Variants in AGAP1 observed in about 807,000 individuals in gnomAD.
The protein encoded by AGAP1 is arf-GAP with GTPase, ANK repeat and PH domain-containing protein 1.
A neutral mutation model predicts 105.3 loss-of-function variants in AGAP1; 29 were observed. The ratio of observed to expected loss-of-function variants is 0.28; its 90% confidence interval spans 0.21 to 0.38. The LOEUF (loss-of-function observed/expected upper bound fraction) is 0.38. AGAP1 is among the 10% of genes least tolerant of loss of function. The pLI, the probability that AGAP1 is intolerant of heterozygous loss-of-function variation, is 1.00. For synonymous variants in AGAP1, 509 were observed against 485.9 expected (o/e 1.05, Z -0.63); for missense variants, 998 against 1,165.1 (o/e 0.86, Z 2.09).
At chr2:235,943,835 G>A (rs542663986) in intron 12 of AGAP1, among the ~76,000 whole-genome samples, 30 of 152,260 alleles carry the variant, frequency 2.0e-4, no homozygotes, top group East Asian at 1.3e-3. Flanking sequence ...CAGCTTCTCC[G>A]TTAGGATTTG....
chr2:235,678,101 G>T (rs893030500), intron 1 of AGAP1, among the ~76,000 whole-genome samples: 5 of 152,100 alleles, frequency 3.3e-5, no homozygotes, highest in African/African-American at 4.8e-5. Context: ...CCTGCGCGGC[G>T]CTGGCTTTTG....
intron 16 of AGAP1, among the ~76,000 whole-genome samples, chr2:236,060,971 G>T (rs1053081765): frequency 1.3e-5 from 2 of 152,116 alleles, no homozygotes; most frequent in African/African-American, 4.8e-5. Flanking sequence ...GCTGAGGTGG[G>T]AGGACCTCTT....
At position 235,788,045 on chromosome 2, in the gene AGAP1, C is replaced by CA. The variant is rs758792929; in HGVS notation, c.674-9712dup. On this transcript the variant is annotated intron_variant, in intron 6 of 17. Transcript: ENST00000304032. The surrounding 1 kb of genome is among the most constrained non-coding windows in gnomAD (Gnocchi z 6.0). ...TGGGACCTTCCTAGGCCATTGGCAT[C>CA]AACGCTGCAGCCTCTGAGTCATGCA... Among the ~76,000 whole-genome samples, 1 of 152,192 alleles carries CA rather than the reference C, an allele frequency of 6.6e-6. No individual in the cohort carries two copies. Among genetic ancestry groups the CA allele is most frequent in the African/African-American group, 2.4e-5 (1 of 41,454 alleles).
rs1349913468 is a variant in AGAP1 at position 235,888,651 on chromosome 2, G to A, written c.1155+5202G>A. Among the ~76,000 whole-genome samples the A allele has an allele frequency of 6.6e-6, 1 of 151,942 alleles. No individual in the cohort carries two copies. The highest frequency in any genetic ancestry group is 1.5e-5 in the Non-Finnish European group (1 of 68,012). The stretch of plus-strand genomic sequence containing the variant: ...CCAGGAGGTCAGGGCTTCACAGTGA[G>A]CTATGATCGTGCCACTGCACTCCAG... On this transcript the variant is annotated intron_variant, in intron 10 of 17. Transcript: ENST00000304032. This position sits in a 1 kb window ranked among gnomAD's most constrained non-coding sequence, Gnocchi z 4.8.
intron 1 of AGAP1, among the ~76,000 whole-genome samples, chr2:235,693,839 G>A (rs1053896586): frequency 2.6e-5 from 4 of 152,204 alleles, no homozygotes; most frequent in African/African-American, 7.2e-5. Flanking sequence ...TCTGGCATAA[G>A]TGTGGGTCCT....
intron 1 of AGAP1, among the ~76,000 whole-genome samples, chr2:235,522,334 TAGAC>T (rs1458854232): frequency 6.6e-6 from 1 of 152,166 alleles, no homozygotes; most frequent in Non-Finnish European, 1.5e-5. Flanking sequence ...ACATTGGACT[TAGAC>T]CTCCTGGGCT....
At chr2:235,774,780 T>G (rs1287504880) in intron 6 of AGAP1, among the ~76,000 whole-genome samples, 1 of 152,168 alleles carries the variant, frequency 6.6e-6, no homozygotes, top group Non-Finnish European at 1.5e-5. Context: ...CCTAAAGTAA[T>G]TACTAACCTT....
intron 16 of AGAP1, among the ~76,000 whole-genome samples, chr2:236,112,135 G>C (rs2059661534): frequency 6.6e-6 from 1 of 152,128 alleles, no homozygotes; most frequent in Non-Finnish European, 1.5e-5. Context: ...CTCTCTGGAG[G>C]CCAGGCGTGG....
rs1177230368 is a variant in AGAP1, at chr2:235,559,186, C to T, written c.163+64337C>T. ...AAGTGATCCTCGCACCTCAGCTTCC[C>T]AAAGTGCTGGGATTATAGGCCTGAG... On this transcript the variant is annotated intron_variant, in intron 1 of 17. Transcript: ENST00000304032. This position sits in a 1 kb window ranked among gnomAD's most constrained non-coding sequence, Gnocchi z 5.7. 2.0e-5 allele frequency among the ~76,000 whole-genome samples: 3 copies of T among 152,316 alleles called. No individual in the cohort carries two copies. The highest frequency in any genetic ancestry group is 7.2e-5 in the African/African-American group (3 of 41,568).
chr2:235,736,327 T>C lies in AGAP1; in HGVS notation c.311-4636T>C, dbSNP rs1190720329. ...ACAGGGACATCAGGTTTGGGGAGAC[T>C]GAAAACCATTTTTGAAAATGAAGTT... On this transcript the variant is annotated intron_variant, in intron 3 of 17. Transcript: ENST00000304032. The surrounding 1 kb of genome is among the most constrained non-coding windows in gnomAD (Gnocchi z 5.5). 6.6e-6 allele frequency among the ~76,000 whole-genome samples: 1 copy of C among 152,014 alleles called. No homozygotes were observed. The highest frequency in any genetic ancestry group is 1.9e-4 in the East Asian group (1 of 5,162).
At chr2:235,507,752 C>G (rs1941885859) in intron 1 of AGAP1, among the ~76,000 whole-genome samples, 1 of 152,132 alleles carries the variant, frequency 6.6e-6, no homozygotes, top group African/African-American at 2.4e-5. Flanking sequence ...GTGGCAGAGT[C>G]AGGATTCGAA....
rs1199168850 is a variant in AGAP1 at position 235,557,909 on chromosome 2, G to A, written c.163+63060G>A. On this transcript the variant is annotated intron_variant, in intron 1 of 17. Transcript: ENST00000304032. The surrounding 1 kb of genome is among the most constrained non-coding windows in gnomAD (Gnocchi z 4.7). The stretch of plus-strand genomic sequence containing the variant: ...CTATTGGTGCTTTCTTGAGCCCTGC[G>A]CCATGTGAGTGAGGTTTTGTGGTCC... Among the ~76,000 whole-genome samples the A allele has an allele frequency of 2.0e-5, 3 of 152,172 alleles. No homozygotes were observed. The highest frequency in any genetic ancestry group is 6.5e-5 in the Admixed American group (1 of 15,270).
Position 235,830,690 on chromosome 2 carries a change from C to T in AGAP1, c.1050+23359C>T, listed in dbSNP as rs1421190108. Among the ~76,000 whole-genome samples the T allele has an allele frequency of 6.6e-6, 1 of 152,052 alleles. No individual in the cohort carries two copies. Among genetic ancestry groups the T allele is most frequent in the African/African-American group, 2.4e-5 (1 of 41,394 alleles). ...TTCTAGGCCAGCCCAGGACGGTGTG[C>T]GGCCCCAAGCCACTAACACAGCACT... On this transcript the variant is annotated intron_variant, in intron 9 of 17. Coordinates refer to ENST00000304032, the MANE Select transcript of AGAP1 (RefSeq NM_001037131.3). This position sits in a 1 kb window ranked among gnomAD's most constrained non-coding sequence, Gnocchi z 5.5.
rs949656910 is a variant in AGAP1, at chr2:235,991,639, G to A, written c.1645+23016G>A. On this transcript the variant is annotated intron_variant, in intron 13 of 17. Transcript: ENST00000304032. Reference sequence around the variant, plus strand: ...ATGACATTGGAGTTGCCCAGCAATTGGAAAAAGACATGAGCGTTTAATACT... The same window carrying A: ...ATGACATTGGAGTTGCCCAGCAATTAGAAAAAGACATGAGCGTTTAATACT... Among the ~76,000 whole-genome samples the A allele has an allele frequency of 3.3e-5, 5 of 152,298 alleles. No individual in the cohort carries two copies. The South Asian group carries it at 8.3e-4, about 25-fold the overall frequency.
At position 235,728,770 on chromosome 2, in the gene AGAP1, C is replaced by T. The variant is rs1225497936; in HGVS notation, c.310+11126C>T. Among the ~76,000 whole-genome samples, 2 of 152,136 alleles carry T rather than the reference C, an allele frequency of 1.3e-5. No homozygotes were observed. Among genetic ancestry groups the T allele is most frequent in the South Asian group, 2.1e-4 (1 of 4,836 alleles). On this transcript the variant is annotated intron_variant, in intron 3 of 17. Transcript: ENST00000304032. The surrounding 1 kb of genome is among the most constrained non-coding windows in gnomAD (Gnocchi z 4.3). ...AAGGCCAAATACATTGAAATGAAAG[C>T]GTGCCTAGTGGAGCAAGAGCGGGGC...
At chr2:235,696,782 G>C (rs1455146172) in intron 1 of AGAP1, among the ~76,000 whole-genome samples, 2 of 151,852 alleles carry the variant, frequency 1.3e-5, no homozygotes, top group Non-Finnish European at 2.9e-5. Context: ...CACCTTATAC[G>C]AGACCATCCC....
Position 235,866,144 on chromosome 2 carries a change from C to T in AGAP1, c.1051-17201C>T, listed in dbSNP as rs2049161325. ...TTAGTTAGGCAGCAGCATGCGATGC[C>T]CTGTGCGCATCTTTATTTTTGGTTT... On this transcript the variant is annotated intron_variant, in intron 9 of 17. Coordinates refer to ENST00000304032, the MANE Select transcript of AGAP1 (RefSeq NM_001037131.3). The surrounding 1 kb of genome is among the most constrained non-coding windows in gnomAD (Gnocchi z 6.1). Among the ~76,000 whole-genome samples, 1 of 152,042 alleles carries T rather than the reference C, an allele frequency of 6.6e-6. No homozygotes were observed. Among genetic ancestry groups the T allele is most frequent in the South Asian group, 2.1e-4 (1 of 4,822 alleles).
intron 1 of AGAP1, among the ~76,000 whole-genome samples, chr2:235,562,576 C>T (rs1487003204): frequency 3.9e-5 from 6 of 152,136 alleles, no homozygotes; most frequent in Admixed American, 6.5e-5. Flanking sequence ...GGTGGCCTGG[C>T]AGACTCAGGA....
chr2:236,013,958 G>A (rs2056606101), intron 13 of AGAP1, among the ~76,000 whole-genome samples: 1 of 152,204 alleles, frequency 6.6e-6, no homozygotes, highest in African/African-American at 2.4e-5. Flanking sequence ...TAGTTGGGAG[G>A]GTAAGGGCCT....
Sources: allele counts gnomAD v4.1 joint callset (sites outside exome capture counted in the v4.1 genomes callset), GRCh38; gene constraint gnomAD v4.1.1; non-coding constraint Gnocchi (gnomAD v3.1); transcripts MANE v1.5; gene names NCBI Gene and HGNC (gene_info 2026-07-23, HGNC 2026-07-21).